The following SP3 variants were observed in gnomAD, a reference collection of about 807,000 sequenced individuals.
The protein encoded by SP3 is Sp3 transcription factor.
A neutral mutation model predicts 70.3 loss-of-function variants in SP3; 10 were observed. The ratio of observed to expected loss-of-function variants is 0.14; its 90% CI spans 0.09 to 0.24. The LOEUF is 0.24. SP3 is among the 10% of genes least tolerant of loss of function. The pLI, the probability that SP3 is intolerant of heterozygous loss-of-function variation, is 1.00. For missense variants in SP3, 825 were observed against 914.6 expected (o/e 0.90, Z 1.26); for synonymous variants, 402 against 333.5 (o/e 1.21, Z -2.24).
At chr2:173,951,206 T>C (rs946763836) in intron 4 of SP3, among the ~76,000 whole-genome samples, 1 of 152,212 alleles carries the variant, frequency 6.6e-6, no homozygotes, top group Non-Finnish European at 1.5e-5. Context: ...AACATTAATT[T>C]TGTACACACA....
chr2:173,914,602 A>T (rs1689577981), intron 5 of SP3: 1 of 152,214 alleles, frequency 6.6e-6, no homozygotes, highest in Non-Finnish European at 1.5e-5. Context: ...GGTGGGTAGG[A>T]TTTAGATAGA....
At chr2:173,960,113 T>C (rs1574427837) in intron 3 of SP3, among the ~76,000 whole-genome samples, 1 of 152,288 alleles carries the variant, frequency 6.6e-6, no homozygotes. Flanking sequence ...GAGGCTGCAG[T>C]GAGTTGTAAT....
chr2:173,948,579 T>C (rs1014876278), intron 4 of SP3, among the ~76,000 whole-genome samples: 1 of 152,144 alleles, frequency 6.6e-6, no homozygotes, highest in African/African-American at 2.4e-5. Context: ...TAAGCAATAT[T>C]GTAAAAAGTG....
At chr2:173,942,990 G>T (rs936133966) in intron 4 of SP3, among the ~76,000 whole-genome samples, 2 of 152,084 alleles carry the variant, frequency 1.3e-5, no homozygotes, top group African/African-American at 4.8e-5. Flanking sequence ...ATGTGTGTAG[G>T]TTATATGCAA....
chr2:173,951,412 T>A (rs1168629211), intron 4 of SP3, among the ~76,000 whole-genome samples: 4 of 152,164 alleles, frequency 2.6e-5, no homozygotes, highest in Non-Finnish European at 5.9e-5. Flanking sequence ...CATTTAAAAA[T>A]AAATCCATTA....
Position 173,901,816 on chromosome 2 carries a change from C to T in SP3, c.*8125G>A, listed in dbSNP as rs1001355094. On this transcript the variant is annotated 3_prime_UTR_variant, in exon 7 of 7. Transcript: ENST00000310015. Reference sequence around the variant, plus strand: ...TCCTGCGTTCAAGCGATTCTCGTGCCTCAGCCTCCCGAGTAGCTGGGATTG... The same window carrying T: ...TCCTGCGTTCAAGCGATTCTCGTGCTTCAGCCTCCCGAGTAGCTGGGATTG... 6.6e-6 allele frequency among the ~76,000 whole-genome samples: 1 copy of T among 150,710 alleles called. No individual in the cohort carries two copies. The highest frequency in any genetic ancestry group is 2.4e-5 in the African/African-American group (1 of 40,992).
At chr2:173,917,172 A>G (rs2105458153) in intron 5 of SP3, among the ~76,000 whole-genome samples, 1 of 152,246 alleles carries the variant, frequency 6.6e-6, no homozygotes, top group South Asian at 2.1e-4. Flanking sequence ...AAAATAAAGA[A>G]TAAGTGAAAC....
Position 173,955,720 on chromosome 2 carries a change from A to G in SP3, c.792T>C (p.Ile264=). 1.2e-6 allele frequency: 2 copies of G among 1,614,212 alleles called. No individual in the cohort carries two copies. Among genetic ancestry groups the G allele is most frequent in the Non-Finnish European group, 1.7e-6 (2 of 1,180,036 alleles). The change falls in exon 4 of 7, where the codon ATT becomes ATC. Residue 264 remains isoleucine, a synonymous_variant. Coordinates refer to ENST00000310015, the MANE Select transcript of SP3 (RefSeq NM_003111.5). ...CGACACTATTGATTGGTACAAACGT[A>G]ATATTTCCTGGCAGACCAAGAGGCA... is the stretch of plus-strand genomic sequence containing the variant. ...ANVPLGLPGN[I]TFVPINSVDL...
At chr2:173,961,322 A>C (rs1181119699) in intron 3 of SP3, among the ~76,000 whole-genome samples, 1 of 152,222 alleles carries the variant, frequency 6.6e-6, no homozygotes, top group Non-Finnish European at 1.5e-5. Context: ...TATTAAAAGC[A>C]ATCTTCAGCA....
chr2:173,947,433 C>A (rs1270016659), intron 4 of SP3, among the ~76,000 whole-genome samples: 1 of 152,032 alleles, frequency 6.6e-6, no homozygotes, highest in Non-Finnish European at 1.5e-5. Flanking sequence ...AGAAAAAGCA[C>A]TACCAGTTTA....
At chr2:173,959,592 G>A (rs1160272984) in intron 3 of SP3, among the ~76,000 whole-genome samples, 1 of 151,908 alleles carries the variant, frequency 6.6e-6, no homozygotes, top group Admixed American at 6.6e-5. Context: ...CGGGCATGGT[G>A]TACATCTGTA....
At chr2:173,959,380 T>C (rs534421646) in intron 3 of SP3, among the ~76,000 whole-genome samples, 1 of 149,182 alleles carries the variant, frequency 6.7e-6, no homozygotes, top group Admixed American at 6.7e-5. Context: ...AAATGTTTGA[T>C]GTTAGACTAC....
At chr2:173,930,792 G>T (rs943006370) in intron 4 of SP3, among the ~76,000 whole-genome samples, 2 of 152,120 alleles carry the variant, frequency 1.3e-5, no homozygotes, top group African/African-American at 4.8e-5. Flanking sequence ...TATAAATTTT[G>T]ACTTAAGTGA....
chr2:173,965,122 C>A lies in SP3; in HGVS notation c.7+43G>T, dbSNP rs543781799. On this transcript the variant is annotated intron_variant, in intron 1 of 6. Coordinates refer to ENST00000310015, the MANE Select transcript of SP3 (RefSeq NM_003111.5). ...GGCTGGCTGTGGTCGGCGGCAGCGG[C>A]GGCGGCGGCAGCAGCAAGGGTTGCT... 2.6e-4 allele frequency: 398 copies of A among 1,547,026 alleles called. 4 individuals are homozygous for A. In the South Asian group the frequency reaches 4.1e-3, roughly 16 times the overall value.
chr2:173,954,916 A>G lies in SP3; in HGVS notation c.1596T>C (p.Ala532=), dbSNP rs766015656. The change falls in exon 4 of 7, where the codon GCT becomes GCC. Residue 532 remains alanine (A), a synonymous_variant. Transcript: ENST00000310015. ...QTVTVNSIDS[A]GIQLHPGENA... ...TCTCTCCTGGATGTAGCTGTATACC[A>G]GCAGAATCTATAGAGTTCACTGTAA... 1 of 1,614,154 alleles carries G rather than the reference A, an allele frequency of 6.2e-7. No homozygotes were observed. The highest frequency in any genetic ancestry group is 1.1e-5 in the South Asian group (1 of 91,080).
intron 5 of SP3, chr2:173,913,508 C>A (rs1689545170): frequency 2.1e-5 from 6 of 288,080 alleles, no homozygotes; most frequent in Admixed American, 5.1e-5. Context: ...TAAATATGCT[C>A]AAGAATTATG....
chr2:173,959,618 G>C (rs1026280715), intron 3 of SP3, among the ~76,000 whole-genome samples: 3 of 152,060 alleles, frequency 2.0e-5, no homozygotes, highest in Non-Finnish European at 4.4e-5. Context: ...AGCTACTCTG[G>C]GACTCTGGGG....
chr2:173,949,600 A>G (rs778464799), intron 4 of SP3, among the ~76,000 whole-genome samples: 15 of 152,186 alleles, frequency 9.9e-5, no homozygotes, highest in Non-Finnish European at 1.9e-4. Context: ...AGTACCCGAT[A>G]GAGTAGGAGC....
intron 3 of SP3, among the ~76,000 whole-genome samples, chr2:173,962,126 C>T (rs534759836): frequency 6.6e-6 from 1 of 152,174 alleles, no homozygotes; most frequent in East Asian, 1.9e-4. Flanking sequence ...ATGGAAACTT[C>T]CCTACAAGTA....
Sources: gnomAD v4.1 joint callset for allele counts (sites outside exome capture counted in the v4.1 genomes callset) on GRCh38, gnomAD v4.1.1 for gene constraint, MANE v1.5 for transcripts, NCBI Gene and HGNC (gene_info 2026-07-23, HGNC 2026-07-21) for gene names.